LINGO2: variants seen among roughly 807,000 people sequenced by gnomAD.
The protein encoded by LINGO2 is leucine-rich repeat and immunoglobulin-like domain-containing nogo receptor-interacting protein 2.
A neutral mutation model predicts 30.6 loss-of-function variants in LINGO2; 14 were observed. The observed-to-expected ratio is 0.46, with a 90% CI of 0.30 to 0.72. LINGO2 has a LOEUF of 0.72. Among genes scored for constraint, LINGO2 ranks in the 30% least tolerant of loss-of-function variants. LINGO2 has a pLI of 0.07. For missense variants in LINGO2, 729 were observed against 751.7 expected (o/e 0.97, Z 0.35); for synonymous variants, 317 against 288.5 (o/e 1.10, Z -1.00).
At chr9:29,167,851 T>C in the LINGO2 span, among the ~76,000 whole-genome samples, 1 of 152,158 alleles carries the variant, frequency 6.6e-6, no homozygotes, top group African/African-American at 2.4e-5. Context: ...AATTGCAAGT[T>C]TCCTTTGCAT....
the LINGO2 span, among the ~76,000 whole-genome samples, chr9:28,906,435 ATAAT>A: frequency 3.3e-5 from 5 of 151,760 alleles, no homozygotes; most frequent in African/African-American, 9.7e-5. Context: ...TAAATTAAAA[ATAAT>A]TAATTTTAAA....
chr9:28,995,049 C>G, the LINGO2 span, among the ~76,000 whole-genome samples: 1 of 151,808 alleles, frequency 6.6e-6, no homozygotes, highest in African/African-American at 2.4e-5. Flanking sequence ...AGCTTCTGCA[C>G]AGCAAAAGAA....
the LINGO2 span, among the ~76,000 whole-genome samples, chr9:29,180,723 T>G: frequency 0.046 from 7,047 of 152,270 alleles, 244 homozygotes; most frequent in Admixed American, 0.082. Context: ...TGAAGGTATC[T>G]GAAAACATCT....
the LINGO2 span, among the ~76,000 whole-genome samples, chr9:28,989,560 G>A: frequency 6.6e-6 from 1 of 152,060 alleles, no homozygotes; most frequent in East Asian, 1.9e-4. Flanking sequence ...TATGATTTTA[G>A]GCAGTCACTT....
chr9:29,009,426 C>T, the LINGO2 span, among the ~76,000 whole-genome samples: 2 of 152,114 alleles, frequency 1.3e-5, no homozygotes, highest in Non-Finnish European at 2.9e-5. Flanking sequence ...AACTCCCATT[C>T]ACAATTGCTA....
intron 4 of LINGO2, among the ~76,000 whole-genome samples, chr9:28,143,034 T>A (rs562284820): frequency 2.2e-4 from 34 of 152,286 alleles, no homozygotes; most frequent in Admixed American, 7.2e-4. Context: ...AAAAATTAAA[T>A]TTCTGGAACT....
intron 4 of LINGO2, among the ~76,000 whole-genome samples, chr9:28,103,793 A>C (rs1826486927): frequency 6.6e-6 from 1 of 152,094 alleles, no homozygotes; most frequent in African/African-American, 2.4e-5. Flanking sequence ...CAAAACTATC[A>C]TTTTTCTATT....
chr9:28,678,569 G>A, the LINGO2 span, among the ~76,000 whole-genome samples: 3 of 152,082 alleles, frequency 2.0e-5, no homozygotes, highest in East Asian at 5.8e-4. Flanking sequence ...TGTTAGGAAA[G>A]CTGTAATCCT....
At chr9:28,140,314 G>A (rs536526150) in intron 4 of LINGO2, among the ~76,000 whole-genome samples, 5 of 152,286 alleles carry the variant, frequency 3.3e-5, no homozygotes, top group Admixed American at 2.0e-4. Context: ...CAACACAAAG[G>A]CAGAGATGTT....
At chr9:28,912,340 C>CT in the LINGO2 span, among the ~76,000 whole-genome samples, 8 of 151,910 alleles carry the variant, frequency 5.3e-5, no homozygotes, top group Admixed American at 1.3e-4. Flanking sequence ...GGGTTTGTTC[C>CT]TTTTTTTTCA....
intron 1 of LINGO2, among the ~76,000 whole-genome samples, chr9:28,538,948 AT>A (rs1250877707): frequency 6.6e-6 from 1 of 152,152 alleles, no homozygotes; most frequent in South Asian, 2.1e-4. Context: ...ATAGAAAAAA[AT>A]AAAATAAAAA....
the LINGO2 span, among the ~76,000 whole-genome samples, chr9:29,048,858 AC>A: frequency 1.3e-5 from 2 of 152,202 alleles, no homozygotes; most frequent in Non-Finnish European, 2.9e-5. Flanking sequence ...AAACTACAAA[AC>A]TACTACAAGA....
downstream of LINGO2, chr9:27,943,579 T>A (rs577254073): frequency 1.3e-4 from 19 of 151,214 alleles, no homozygotes; most frequent in African/African-American, 4.6e-4. Context: ...GAATGGTAAG[T>A]CTTAACTTTT....
chr9:28,398,498 G>T (rs1822139824), intron 2 of LINGO2, among the ~76,000 whole-genome samples: 1 of 152,020 alleles, frequency 6.6e-6, no homozygotes. Context: ...TGGCAAAAAT[G>T]TAAAATAAGA....
the LINGO2 span, among the ~76,000 whole-genome samples, chr9:28,696,567 T>C: frequency 6.6e-6 from 1 of 151,858 alleles, no homozygotes. Context: ...ATTTGGGTAA[T>C]ACTACAATAA....
intron 4 of LINGO2, among the ~76,000 whole-genome samples, chr9:28,240,764 T>C (rs1394643492): frequency 6.6e-6 from 1 of 152,096 alleles, no homozygotes; most frequent in Non-Finnish European, 1.5e-5. Context: ...CCCACAAGCA[T>C]AAGCAACGAA....
chr9:28,001,713 A>G (rs1398963745), intron 5 of LINGO2, among the ~76,000 whole-genome samples: 1 of 152,040 alleles, frequency 6.6e-6, no homozygotes, highest in East Asian at 1.9e-4. Flanking sequence ...GGAAAAAAAA[A>G]GCACAAGTAC....
chr9:28,973,239 T>G, the LINGO2 span, among the ~76,000 whole-genome samples: 4 of 151,930 alleles, frequency 2.6e-5, no homozygotes, highest in African/African-American at 9.7e-5. Flanking sequence ...CATTTAATAA[T>G]CAAACTCCCA....
Position 28,460,913 on chromosome 9 carries a change from T to A in LINGO2, c.-279+15027A>T, listed in dbSNP as rs1432371643. On this transcript the variant is annotated intron_variant, in intron 2 of 5. Coordinates refer to ENST00000379992, the Ensembl canonical transcript of LINGO2. ...AAATAGACTAAAAATGTCTAGAAAC[T>A]GTTGTATCATTTCCTTTTTAGTTCA... 2.0e-5 allele frequency among the ~76,000 whole-genome samples: 3 copies of A among 152,118 alleles called. No individual in the cohort carries two copies. The South Asian group carries it at 6.2e-4, about 32-fold the overall frequency.
Sources: gnomAD v4.1 joint callset for allele counts (sites outside exome capture counted in the v4.1 genomes callset) on GRCh38, gnomAD v4.1.1 for gene constraint, MANE v1.5 for transcripts, NCBI Gene and HGNC (gene_info 2026-07-23, HGNC 2026-07-21) for gene names.